The following MCPH1 variants were observed in gnomAD, a reference collection of about 807,000 sequenced individuals.
MCPH1 encodes the protein microcephalin.
A neutral mutation model predicts 84.5 loss-of-function variants in MCPH1; 104 were observed. The ratio of observed to expected loss-of-function variants is 1.23; its 90% confidence interval spans 1.05 to 1.45. The LOEUF (loss-of-function observed/expected upper bound fraction) is 1.45. Among genes scored for constraint, MCPH1 ranks in the 40% most tolerant of loss-of-function variants. MCPH1 has a pLI of 0.00. For synonymous variants in MCPH1, 514 were observed against 366.8 expected (o/e 1.40, Z -4.58); for missense variants, 1,498 against 1,005.7 (o/e 1.49, Z -6.62).
rs78455398 is a variant in MCPH1, at chr8:6,529,288, G to A, written c.2214+29359G>A. 9.7e-4 allele frequency among the ~76,000 whole-genome samples: 148 copies of A among 152,196 alleles called. 1 individual carries two copies. The East Asian group carries it at 0.025, about 26-fold the overall frequency. ...CCACCCATTGTTGCTCAATTTGATC[G>A]TCTCTCATTCTGACAGGCTTGGAGA... On this transcript the variant is annotated intron_variant, in intron 12 of 13. Transcript: ENST00000344683.
chr8:6,611,193 C>T (rs186046079), intron 12 of MCPH1, among the ~76,000 whole-genome samples: 120 of 152,070 alleles, frequency 7.9e-4, no homozygotes, highest in Admixed American at 3.9e-3. Flanking sequence ...TTTTTTCATG[C>T]CAAACAATTC....
At chr8:6,575,536 G>C (rs1827004193) in intron 12 of MCPH1, among the ~76,000 whole-genome samples, 1 of 152,196 alleles carries the variant, frequency 6.6e-6, no homozygotes, top group Admixed American at 6.5e-5. Flanking sequence ...AAACTTACAA[G>C]ATATAATTAG....
chr8:6,539,813 C>G (rs1821210750), intron 12 of MCPH1, among the ~76,000 whole-genome samples: 1 of 152,196 alleles, frequency 6.6e-6, no homozygotes, highest in African/African-American at 2.4e-5. Flanking sequence ...TCTGAAACTC[C>G]TGACATCAGG....
At chr8:6,464,559 G>C (rs1806641714) in intron 9 of MCPH1, among the ~76,000 whole-genome samples, 2 of 152,240 alleles carry the variant, frequency 1.3e-5, no homozygotes, top group African/African-American at 4.8e-5. Context: ...GGACGTGGTA[G>C]AAATGAGGAC....
rs752855605 is a variant in MCPH1 at position 6,409,312 on chromosome 8, A to T, written c.56A>T (p.Asn19Ile). The change falls in exon 2 of 14, where the codon AAT becomes ATT. Residue 19 changes from asparagine (N) to isoleucine (I), a missense_variant. Physicochemically the swap from Asn to Ile is moderately radical, Grantham distance 149 (BLOSUM62 -3). Transcript: ENST00000344683. ...GCCTATGTTGAAGTGTGGTCATCCA[A>T]TGGAACAGAAAATTATTCAAAGACA... ...VVAYVEVWSS[N>I]GTENYSKTFT... The T allele has an allele frequency of 1.2e-6, 2 of 1,614,024 alleles. No individual in the cohort carries two copies. The highest frequency in any genetic ancestry group is 1.3e-5 in the African/African-American group (1 of 74,930).
intron 13 of MCPH1, chr8:6,624,759 TC>T: frequency 1.0e-6 from 1 of 958,948 alleles, no homozygotes; most frequent in Middle Eastern, 5.3e-4. Context: ...GGTTTATTTT[TC>T]TGTCCATACA....
chr8:6,541,714 GA>G (rs1821608202), intron 12 of MCPH1, among the ~76,000 whole-genome samples: 2 of 152,144 alleles, frequency 1.3e-5, no homozygotes, highest in Admixed American at 1.3e-4. Flanking sequence ...AAACTGTACT[GA>G]ATGTAGGGCC....
intron 2 of MCPH1, among the ~76,000 whole-genome samples, chr8:6,412,634 C>G (rs1263206473): frequency 1.3e-5 from 2 of 152,130 alleles, no homozygotes; most frequent in Admixed American, 1.3e-4. Context: ...ACCAGACCCC[C>G]TTGTCTCTTT....
chr8:6,431,611 T>TA, intron 4 of MCPH1, 25 bp downstream of exon 4: 2 of 1,412,112 alleles, frequency 1.4e-6, no homozygotes, highest in Non-Finnish European at 2.0e-6. Flanking sequence ...TCAATGTAGA[T>TA]AATGGCAATT....
chr8:6,514,828 C>G (rs775621159), intron 12 of MCPH1: 101 of 1,514,442 alleles, frequency 6.7e-5, no homozygotes, highest in Non-Finnish European at 8.4e-5. Context: ...CCACTCCCCC[C>G]TTACGTAGCA....
At chr8:6,589,240 T>G (rs1199488327) in intron 12 of MCPH1, among the ~76,000 whole-genome samples, 2 of 152,208 alleles carry the variant, frequency 1.3e-5, no homozygotes, top group Non-Finnish European at 2.9e-5. Flanking sequence ...TTTCACTTAT[T>G]AAGTTTTCTT....
chr8:6,439,981 T>A (rs1803264942), intron 6 of MCPH1, among the ~76,000 whole-genome samples: 1 of 152,220 alleles, frequency 6.6e-6, no homozygotes, highest in Admixed American at 6.5e-5. Flanking sequence ...GATACGGGTT[T>A]GGTTTCTGTG....
At chr8:6,469,170 C>T (rs923901359) in intron 9 of MCPH1, among the ~76,000 whole-genome samples, 1 of 151,962 alleles carries the variant, frequency 6.6e-6, no homozygotes, top group Non-Finnish European at 1.5e-5. Context: ...AGAGTGAGAC[C>T]CTGTCTCAAA....
intron 3 of MCPH1, among the ~76,000 whole-genome samples, chr8:6,427,299 C>T (rs1353668549): frequency 6.6e-6 from 1 of 152,144 alleles, no homozygotes; most frequent in Non-Finnish European, 1.5e-5. Flanking sequence ...CTATACAGTA[C>T]TATGGACTTT....
chr8:6,491,963 A>G (rs1331411779), intron 11 of MCPH1, among the ~76,000 whole-genome samples: 1 of 152,210 alleles, frequency 6.6e-6, no homozygotes, highest in African/African-American at 2.4e-5. Context: ...TTATAGCAGC[A>G]TGATTTATAG....
intron 12 of MCPH1, chr8:6,501,358 AGACTGGACTCT>A (rs372939834): frequency 3.9e-5 from 6 of 152,342 alleles, no homozygotes; most frequent in African/African-American, 1.4e-4. Context: ...TGCTAGTTAC[AGACTGGACTCT>A]GAACTTCCTT....
chr8:6,509,543 C>T (rs1307262999), intron 12 of MCPH1, among the ~76,000 whole-genome samples: 5 of 152,128 alleles, frequency 3.3e-5, no homozygotes, highest in Non-Finnish European at 5.9e-5. Context: ...CAGAACGGTG[C>T]TGAAAATAAA....
In MCPH1 at chr8:6,406,627, A is replaced by G. The variant is rs769260580; in HGVS notation, c.-41A>G. ...TGCCCGCGCGCGCCGCCAGGCTCGC[A>G]AGCACCGCGTAGGCCAGCTGGCCGG... On this transcript the variant is annotated 5_prime_UTR_variant, in exon 1 of 14. Coordinates refer to ENST00000344683, the MANE Select transcript of MCPH1 (RefSeq NM_024596.5). 6.2e-7 allele frequency: 1 copy of G among 1,607,974 alleles called. No homozygotes were observed.
intron 12 of MCPH1, among the ~76,000 whole-genome samples, chr8:6,529,515 C>T (rs1819043114): frequency 6.6e-6 from 1 of 150,882 alleles, no homozygotes; most frequent in Admixed American, 6.6e-5. Flanking sequence ...GCGGTGGCAC[C>T]ATATCTGTTC....
Sources: gnomAD v4.1 joint callset for allele counts (sites outside exome capture counted in the v4.1 genomes callset) on GRCh38, gnomAD v4.1.1 for gene constraint, MANE v1.5 for transcripts, NCBI Gene and HGNC (gene_info 2026-07-23, HGNC 2026-07-21) for gene names.